SPAG16: variants seen among roughly 807,000 people sequenced by gnomAD.
The protein encoded by SPAG16 is sperm associated antigen 16.
SPAG16 carries 86 observed loss-of-function variants against 80.4 expected under a neutral mutation model. The ratio of observed to expected loss-of-function variants is 1.07; its 90% CI spans 0.90 to 1.28. The LOEUF (loss-of-function observed/expected upper bound fraction) is 1.28, where lower values mean the gene tolerates loss of function less well. SPAG16 is among the 50% of genes most tolerant of loss of function. The probability of loss-of-function intolerance (pLI) is 0.00; values close to 1 mark genes in which losing one functional copy is unlikely to be tolerated. For synonymous variants in SPAG16, 294 were observed against 265.9 expected (o/e 1.11, Z -1.03); for missense variants, 870 against 765.3 (o/e 1.14, Z -1.61).
intron 10 of SPAG16, among the ~76,000 whole-genome samples, chr2:213,538,441 A>G (rs1252886409): frequency 1.3e-5 from 2 of 152,080 alleles, no homozygotes; most frequent in Non-Finnish European, 1.5e-5. Context: ...ATATTTTATG[A>G]TTTTCTAAGG....
chr2:214,118,652 G>A (rs2054063237), intron 14 of SPAG16, among the ~76,000 whole-genome samples: 1 of 152,086 alleles, frequency 6.6e-6, no homozygotes, highest in South Asian at 2.1e-4. Flanking sequence ...AGAATAGCAT[G>A]AGGGTAACCG....
At position 213,911,334 on chromosome 2, in the gene SPAG16, G is replaced by A. The variant is rs570229099; in HGVS notation, c.1215-18626G>A. Among the ~76,000 whole-genome samples, 6 of 152,080 alleles carry A rather than the reference G, an allele frequency of 3.9e-5. No individual in the cohort carries two copies. In the East Asian group the frequency reaches 5.8e-4, roughly 15 times the overall value. On this transcript the variant is annotated intron_variant, in intron 11 of 15. Transcript: ENST00000331683. ...TAATTTTTGTATTTTTTCTAGAGAC[G>A]AGGTTTCACAGTGTTGCCCAGGATA... is the stretch of plus-strand genomic sequence containing the variant.
At chr2:213,926,871 G>A (rs1032750941) in intron 11 of SPAG16, among the ~76,000 whole-genome samples, 5 of 152,090 alleles carry the variant, frequency 3.3e-5, no homozygotes, top group African/African-American at 9.7e-5. Context: ...GCAGAATTTT[G>A]AGTAGCTAAT....
At chr2:213,905,198 G>A (rs12474183) in intron 11 of SPAG16, among the ~76,000 whole-genome samples, 36,728 of 152,010 alleles carry the variant, frequency 0.24, 4,994 homozygotes, top group South Asian at 0.37. Context: ...TTATTTTATG[G>A]GAGCAAATTG....
chr2:214,253,176 T>C (rs918008076), intron 15 of SPAG16, among the ~76,000 whole-genome samples: 1 of 152,184 alleles, frequency 6.6e-6, no homozygotes, highest in East Asian at 1.9e-4. Flanking sequence ...TAAATCTGTT[T>C]AAGTTCTTTG....
intron 12 of SPAG16, among the ~76,000 whole-genome samples, chr2:213,992,425 GCATATATTTTGAAAAA>G (rs2046329558): frequency 6.6e-6 from 1 of 151,828 alleles, no homozygotes; most frequent in Admixed American, 6.6e-5. Flanking sequence ...TTGGGCCTGA[GCATATATTTTGAAAAA>G]CACATTTTTT....
chr2:213,364,127 C>A lies in SPAG16; in HGVS notation c.814C>A (p.His272Asn). 6.6e-7 allele frequency: 1 copy of A among 1,517,876 alleles called. No homozygotes were observed. The highest frequency in any genetic ancestry group is 2.2e-5 in the Admixed American group (1 of 45,054). The allele number at this position is 1,517,876 out of a possible 1,614,324, so 94.0% of individuals were successfully genotyped here. The stretch of plus-strand genomic sequence containing the variant: ...GAAACTGCAAAGAGGACATAGTTAC[C>A]ATGGTCCTCAAATTAAAGGTAAATG... ...LKKLQRGHSYHGPQIKVDHSR... is the reference protein window; with the variant it reads ...LKKLQRGHSYNGPQIKVDHSR... Residue 272 changes from histidine to asparagine, a missense_variant, in exon 8 of 16, where the codon CAT becomes AAT. Transcript: ENST00000331683.
intron 6 of SPAG16, among the ~76,000 whole-genome samples, chr2:213,340,893 G>A (rs764147137): frequency 6.6e-6 from 1 of 151,970 alleles, no homozygotes; most frequent in Non-Finnish European, 1.5e-5. Context: ...TTGCTCTAAG[G>A]CAGTGCTATC....
At chr2:213,540,046 T>TTG (rs1207740337) in intron 10 of SPAG16, among the ~76,000 whole-genome samples, 1 of 142,616 alleles carries the variant, frequency 7.0e-6, no homozygotes, top group Admixed American at 7.0e-5. Context: ...TTTTTTTTTT[T>TTG]TTTTTTGAGA....
At chr2:214,030,648 C>G (rs1196312142) in intron 13 of SPAG16, among the ~76,000 whole-genome samples, 1 of 152,180 alleles carries the variant, frequency 6.6e-6, no homozygotes, top group African/African-American at 2.4e-5. Context: ...TGAGTCTTTA[C>G]TTAAATGGCT....
At chr2:213,382,757 C>T (rs1013563008) in intron 9 of SPAG16, among the ~76,000 whole-genome samples, 2 of 152,176 alleles carry the variant, frequency 1.3e-5, no homozygotes, top group Non-Finnish European at 2.9e-5. Flanking sequence ...ATCTAGGGTA[C>T]TTGCCACTTC....
chr2:213,705,262 A>G (rs1030302861), intron 10 of SPAG16, among the ~76,000 whole-genome samples: 8 of 145,898 alleles, frequency 5.5e-5, no homozygotes, highest in Non-Finnish European at 5.9e-5. Flanking sequence ...ATAAGAAAGA[A>G]AGAGAGAGAG....
intron 15 of SPAG16, among the ~76,000 whole-genome samples, chr2:214,202,183 G>C (rs1424454001): frequency 1.3e-5 from 2 of 152,136 alleles, no homozygotes; most frequent in Non-Finnish European, 2.9e-5. Context: ...ATTTACTTTG[G>C]ATGTGGGAGA....
intron 10 of SPAG16, among the ~76,000 whole-genome samples, chr2:213,507,266 TC>T (rs1441246061): frequency 2.0e-5 from 3 of 152,240 alleles, no homozygotes; most frequent in African/African-American, 2.4e-5. Context: ...TGCTCAAGTT[TC>T]CATCACTGGT....
chr2:214,206,324 A>G (rs957910971), intron 15 of SPAG16, among the ~76,000 whole-genome samples: 1 of 151,986 alleles, frequency 6.6e-6, no homozygotes, highest in Non-Finnish European at 1.5e-5. Flanking sequence ...TCTCCCCTCT[A>G]CCTTCATGAG....
chr2:213,789,587 C>A (rs997671045), intron 10 of SPAG16, among the ~76,000 whole-genome samples: 1 of 151,884 alleles, frequency 6.6e-6, no homozygotes, highest in African/African-American at 2.4e-5. Context: ...AAAAGACAAA[C>A]CATTCCAGCA....
intron 11 of SPAG16, among the ~76,000 whole-genome samples, chr2:213,917,953 T>C (rs1482678240): frequency 6.6e-6 from 1 of 152,216 alleles, no homozygotes; most frequent in Non-Finnish European, 1.5e-5. Context: ...GTTCTTTTGA[T>C]GCCTAATTTA....
intron 10 of SPAG16, among the ~76,000 whole-genome samples, chr2:213,620,975 CTT>C (rs1428599335): frequency 6.6e-6 from 1 of 152,080 alleles, no homozygotes; most frequent in East Asian, 1.9e-4. Flanking sequence ...AAATATCACT[CTT>C]TACTGATTTA....
chr2:214,352,691 T>C (rs1698505326), intron 15 of SPAG16, among the ~76,000 whole-genome samples: 1 of 152,170 alleles, frequency 6.6e-6, no homozygotes, highest in Non-Finnish European at 1.5e-5. Flanking sequence ...ACATTTAAAG[T>C]ATACATAAAA....
Sources: allele counts gnomAD v4.1 joint callset (sites outside exome capture counted in the v4.1 genomes callset), GRCh38; gene constraint gnomAD v4.1.1; transcripts MANE v1.5; gene names NCBI Gene and HGNC (gene_info 2026-07-23, HGNC 2026-07-21).